The following MAST4 variants were observed in gnomAD, a reference collection of about 807,000 sequenced individuals.
MAST4 encodes microtubule associated serine/threonine kinase family member 4, also known as microtubule-associated serine/threonine-protein kinase 4.
In MAST4, 89 loss-of-function variants were observed where a neutral mutation model predicts 162.7. The observed-to-expected ratio is 0.55, with a 90% CI of 0.46 to 0.65. The LOEUF is 0.65. MAST4 is among the 30% of genes least tolerant of loss of function. The pLI is 0.00. For missense variants in MAST4, 3,153 were observed against 3,374.0 expected, an observed-to-expected ratio of 0.93 and a Z score of 1.62; for synonymous variants, 1,479 against 1,361.1, an observed-to-expected ratio of 1.09 and a Z score of -1.91.
At chr5:67,134,054 C>A (rs533544038) in intron 17 of MAST4, among the ~76,000 whole-genome samples, 3 of 152,118 alleles carry the variant, frequency 2.0e-5, no homozygotes, top group Non-Finnish European at 4.4e-5. Context: ...TACCATGTCC[C>A]CACAATCTGT....
chr5:66,730,816 A>G (rs925544883), intron 1 of MAST4, among the ~76,000 whole-genome samples: 2 of 151,914 alleles, frequency 1.3e-5, no homozygotes, highest in African/African-American at 4.8e-5. Context: ...TTGATTGACA[A>G]CATGCCATTT....
intron 3 of MAST4, among the ~76,000 whole-genome samples, chr5:66,839,707 A>G (rs1483652809): frequency 1.3e-5 from 2 of 152,188 alleles, no homozygotes; most frequent in Admixed American, 6.5e-5. Context: ...GGAAAAAGCA[A>G]TTTATTTTTA....
intron 4 of MAST4, among the ~76,000 whole-genome samples, chr5:66,976,388 C>G: frequency 6.6e-6 from 1 of 152,202 alleles, no homozygotes; most frequent in East Asian, 1.9e-4. Context: ...CCTTCCTGTT[C>G]TCTAGTTTAC....
chr5:67,114,933 CT>C (rs1766701311), intron 12 of MAST4: 1 of 151,210 alleles, frequency 6.6e-6, no homozygotes, highest in Non-Finnish European at 1.5e-5. Context: ...GTAGTCCAAG[CT>C]ACTCGGGAGG....
intron 3 of MAST4, among the ~76,000 whole-genome samples, chr5:66,876,422 G>T (rs2149889753): frequency 6.6e-6 from 1 of 152,226 alleles, no homozygotes; most frequent in Admixed American, 6.5e-5. Flanking sequence ...TAGGGGATGT[G>T]ACACAGGCCA....
At chr5:67,065,280 T>C (rs1202361592) in intron 5 of MAST4, among the ~76,000 whole-genome samples, 1 of 152,200 alleles carries the variant, frequency 6.6e-6, no homozygotes. Context: ...AACATGGTAG[T>C]CTGTGACAGG....
chr5:67,146,902 A>G (rs1708019433), intron 23 of MAST4, among the ~76,000 whole-genome samples: 1 of 152,104 alleles, frequency 6.6e-6, no homozygotes, highest in African/African-American at 2.4e-5. Flanking sequence ...GGTATTTTCT[A>G]TTCCTGGTTA....
chr5:66,986,487 A>G (rs887967903), intron 4 of MAST4: 2 of 1,569,412 alleles, frequency 1.3e-6, no homozygotes, highest in Non-Finnish European at 1.7e-6. Flanking sequence ...CCTTGGATGA[A>G]TTGCCACCAC....
intron 4 of MAST4, among the ~76,000 whole-genome samples, chr5:66,944,154 A>G (rs930022372): frequency 6.6e-6 from 1 of 152,126 alleles, no homozygotes; most frequent in African/African-American, 2.4e-5. Context: ...TGGTGCAGCT[A>G]TTTGCTTTCT....
intron 26 of MAST4, among the ~76,000 whole-genome samples, chr5:67,159,855 T>G (rs1262752954): frequency 6.6e-6 from 1 of 152,240 alleles, no homozygotes; most frequent in African/African-American, 2.4e-5. Context: ...GTTCCAGCTC[T>G]GCAAACTGAT....
chr5:66,878,724 G>T (rs1481051781), intron 3 of MAST4, among the ~76,000 whole-genome samples: 1 of 152,120 alleles, frequency 6.6e-6, no homozygotes, highest in African/African-American at 2.4e-5. Context: ...GAACTCTTTT[G>T]GCCTAGATAC....
At chr5:66,889,076 A>G (rs1298797415) in intron 3 of MAST4, among the ~76,000 whole-genome samples, 1 of 152,228 alleles carries the variant, frequency 6.6e-6, no homozygotes, top group African/African-American at 2.4e-5. Context: ...GCTTTTATTG[A>G]TTCTAGGGAA....
At chr5:67,017,888 C>T (rs994564498) in intron 4 of MAST4, among the ~76,000 whole-genome samples, 1 of 152,086 alleles carries the variant, frequency 6.6e-6, no homozygotes, top group Non-Finnish European at 1.5e-5. Flanking sequence ...TGAACCACCG[C>T]ACCCGGCCAA....
chr5:66,828,579 T>TAA (rs1757386689), intron 3 of MAST4, among the ~76,000 whole-genome samples: 1 of 152,204 alleles, frequency 6.6e-6, no homozygotes, highest in Admixed American at 6.5e-5. Flanking sequence ...ATTTCCTGTC[T>TAA]AATAGCAAGA....
chr5:66,857,536 T>C (rs889355994), intron 3 of MAST4, among the ~76,000 whole-genome samples: 24 of 152,348 alleles, frequency 1.6e-4, no homozygotes, highest in African/African-American at 5.8e-4. Flanking sequence ...ATCTGTTTTC[T>C]TTTATACCAA....
intron 3 of MAST4, among the ~76,000 whole-genome samples, chr5:66,848,466 T>G (rs1759056552): frequency 6.6e-6 from 1 of 152,186 alleles, no homozygotes; most frequent in Non-Finnish European, 1.5e-5. Flanking sequence ...TTTGTTTGTT[T>G]ACTAAGAATT....
At chr5:66,600,014 T>C (rs1020525260) in intron 1 of MAST4, among the ~76,000 whole-genome samples, 2 of 152,200 alleles carry the variant, frequency 1.3e-5, no homozygotes, top group Non-Finnish European at 2.9e-5. Context: ...GCAGTGCTAA[T>C]TTCTTTGGCA....
chr5:66,907,206 A>T (rs962883980), intron 4 of MAST4, among the ~76,000 whole-genome samples: 1 of 78,038 alleles, frequency 1.3e-5, no homozygotes, highest in Non-Finnish European at 2.8e-5. Flanking sequence ...AGAGAGAGAG[A>T]GTCCTGCTAG....
chr5:66,846,460 A>G (rs771866653), intron 3 of MAST4, among the ~76,000 whole-genome samples: 11 of 152,216 alleles, frequency 7.2e-5, no homozygotes, highest in Non-Finnish European at 1.3e-4. Flanking sequence ...TATTTTATCC[A>G]TGAGAGGCAG....
Sources: allele counts gnomAD v4.1 joint callset (sites outside exome capture counted in the v4.1 genomes callset), GRCh38; gene constraint gnomAD v4.1.1; transcripts MANE v1.5; gene names NCBI Gene and HGNC (gene_info 2026-07-23, HGNC 2026-07-21).